The following SLC4A7 variants were observed in gnomAD, a reference collection of about 807,000 sequenced individuals.
The protein encoded by SLC4A7 is solute carrier family 4 member 7.
Under a neutral mutation model 137.6 loss-of-function variants are expected in SLC4A7, and 51 were observed. That is an observed-to-expected ratio of 0.37 (90% confidence interval 0.30 to 0.47). The LOEUF is 0.47. Ranked by LOEUF, SLC4A7 falls within the 20% of genes least tolerant of loss-of-function variation. The pLI is 1.00. For missense variants in SLC4A7, 1,247 were observed against 1,525.4 expected (o/e 0.82, Z 3.04); for synonymous variants, 542 against 518.6 (o/e 1.05, Z -0.61).
At chr3:27,462,595 A>C (rs2058757816) in intron 1 of SLC4A7, 1 of 156,422 alleles carries the variant, frequency 6.4e-6, no homozygotes, top group African/African-American at 2.4e-5. Flanking sequence ...GCTTGAACAG[A>C]GGCGCAAAGG....
At chr3:27,481,071 C>T (rs1199004680) in intron 1 of SLC4A7, among the ~76,000 whole-genome samples, 2 of 152,092 alleles carry the variant, frequency 1.3e-5, no homozygotes, top group Non-Finnish European at 2.9e-5. Context: ...TCATGCACTG[C>T]TTAAAAGAAA....
intron 18 of SLC4A7, among the ~76,000 whole-genome samples, chr3:27,396,405 A>G (rs2052169000): frequency 6.6e-6 from 1 of 152,172 alleles, no homozygotes; most frequent in Admixed American, 6.5e-5. Flanking sequence ...AGAATAAGGA[A>G]CTTAGGCCAG....
At chr3:27,425,585 A>C (rs1318872777) in intron 7 of SLC4A7, among the ~76,000 whole-genome samples, 1 of 139,148 alleles carries the variant, frequency 7.2e-6, no homozygotes, top group East Asian at 2.4e-4. Flanking sequence ...CTGAGGCAGG[A>C]GAATTGCTTG....
Position 27,433,917 on chromosome 3 carries a change from A to G in SLC4A7, c.777T>C (p.Asn259=), listed in dbSNP as rs189259186. The change falls in exon 6 of 26, where the codon AAT becomes AAC. Residue 259 remains asparagine (N), a splice_region_variant and synonymous_variant. Coordinates refer to ENST00000454389, the MANE Select transcript of SLC4A7 (RefSeq NM_001321103.2). The stretch of plus-strand genomic sequence containing the variant: ...ATTGGATGCCACAACTTATCTCACC[A>G]TTCCTTTCAAGCAAGTGAGGGTCAG... The part of the protein sequence containing the change: ...KHSDPHLLER[N]GEGLSASRHS... The G allele has an allele frequency of 4.3e-6, 7 of 1,613,626 alleles. No individual in the cohort carries two copies. The East Asian group carries it at 6.7e-5, about 15-fold the overall frequency.
At chr3:27,430,491 C>T (rs57766406) in intron 7 of SLC4A7, among the ~76,000 whole-genome samples, 8,463 of 150,398 alleles carry the variant, frequency 0.056, 786 homozygotes, top group African/African-American at 0.19. Flanking sequence ...CATGGTGACA[C>T]GCCCCTGAGT....
At chr3:27,401,585 A>G (rs1261418222) in intron 15 of SLC4A7, among the ~76,000 whole-genome samples, 1 of 152,214 alleles carries the variant, frequency 6.6e-6, no homozygotes, top group African/African-American at 2.4e-5. Context: ...CTTTTAGTAG[A>G]TGACTGACCT....
chr3:27,452,031 G>A (rs1369753118), intron 2 of SLC4A7, among the ~76,000 whole-genome samples: 2 of 152,096 alleles, frequency 1.3e-5, no homozygotes, highest in African/African-American at 2.4e-5. Context: ...CATTTTAAAA[G>A]GCTAATGTAA....
At chr3:27,418,334 G>T (rs1165650005) in intron 11 of SLC4A7, 152 bp downstream of exon 11, 2 of 583,588 alleles carry the variant, frequency 3.4e-6, no homozygotes, top group East Asian at 3.1e-5. Context: ...AGTAAAAAAT[G>T]GTCCACCCAC....
intron 6 of SLC4A7, among the ~76,000 whole-genome samples, chr3:27,432,330 A>G (rs1412592123): frequency 1.3e-5 from 2 of 152,202 alleles, no homozygotes; most frequent in African/African-American, 2.4e-5. Flanking sequence ...AAAAATATTA[A>G]TAAATGTCCT....
chr3:27,449,154 C>T (rs2057891623), intron 2 of SLC4A7, among the ~76,000 whole-genome samples: 1 of 151,846 alleles, frequency 6.6e-6, no homozygotes, highest in African/African-American at 2.4e-5. Flanking sequence ...CCCACCTCAG[C>T]CTCCCAAAGT....
At chr3:27,397,618 T>C (rs2052326523) in intron 18 of SLC4A7, 66 bp downstream of exon 18, 3 of 757,558 alleles carry the variant, frequency 4.0e-6, no homozygotes, top group Non-Finnish European at 6.9e-6. Context: ...ACTGAGAAAA[T>C]AGTATCTTGC....
intron 1 of SLC4A7, among the ~76,000 whole-genome samples, chr3:27,453,734 C>T (rs2058235697): frequency 6.6e-6 from 1 of 152,174 alleles, no homozygotes; most frequent in African/African-American, 2.4e-5. Context: ...AAATAAATTC[C>T]TTGCTATCCA....
At chr3:27,423,751 T>C (rs144550371) in intron 8 of SLC4A7, 126 of 266,520 alleles carry the variant, frequency 4.7e-4, no homozygotes, top group African/African-American at 2.7e-3. Flanking sequence ...CGTTTCACGA[T>C]ATCTATGGGT....
chr3:27,440,141 C>T (rs2057073064), intron 3 of SLC4A7, among the ~76,000 whole-genome samples: 1 of 152,144 alleles, frequency 6.6e-6, no homozygotes, highest in South Asian at 2.1e-4. Context: ...AATTTATTCT[C>T]TTACAGTTCT....
intron 5 of SLC4A7, 123 bp from the exon 6 acceptor site, chr3:27,434,227 G>T: frequency 1.7e-6 from 1 of 602,144 alleles, no homozygotes; most frequent in Non-Finnish European, 2.7e-6. Context: ...GTTTTATTCT[G>T]TCACAAATAA....
intron 2 of SLC4A7, among the ~76,000 whole-genome samples, chr3:27,449,460 A>C (rs1252600532): frequency 1.3e-5 from 2 of 151,454 alleles, no homozygotes; most frequent in East Asian, 1.9e-4. Context: ...AAAATCAATA[A>C]AGACCAAAAT....
At position 27,428,358 on chromosome 3, in the gene SLC4A7, T is replaced by G. The variant is rs114320590; in HGVS notation, c.1150+2940A>C. 1,437 of 154,470 alleles carry G rather than the reference T, an allele frequency of 9.3e-3. 15 individuals are homozygous for G. Among genetic ancestry groups the G allele is most frequent in the African/African-American group, 0.032 (1,336 of 41,634 alleles). The allele number at this position is 154,470 out of a possible 1,614,324, so 9.6% of individuals were successfully genotyped here. A position where few individuals can be genotyped will look rare whatever the true frequency, so the allele number is the denominator to read the frequency against. On this transcript the variant is annotated intron_variant, in intron 7 of 25. Transcript: ENST00000454389. ...AATAACACCAACCTCATCAAATCGT[T>G]ACAAGAATTAGAAATATGGTATTTG...
At chr3:27,473,046 C>T (rs1277735802) in intron 1 of SLC4A7, among the ~76,000 whole-genome samples, 2 of 150,960 alleles carry the variant, frequency 1.3e-5, no homozygotes, top group African/African-American at 2.4e-5. Context: ...CGCCACTGTA[C>T]TCCAGCCTGG....
At chr3:27,395,285 T>A (rs9826281) in intron 18 of SLC4A7, among the ~76,000 whole-genome samples, 170 bp from the exon 19 acceptor site, 6,034 of 152,256 alleles carry the variant, frequency 0.04, 134 homozygotes, top group East Asian at 0.067. Flanking sequence ...ATTCTTCCTA[T>A]CCCTATAACT....
Sources: gnomAD v4.1 joint callset for allele counts (sites outside exome capture counted in the v4.1 genomes callset) on GRCh38, gnomAD v4.1.1 for gene constraint, MANE v1.5 for transcripts, NCBI Gene and HGNC (gene_info 2026-07-23, HGNC 2026-07-21) for gene names.